BCKDHB: variants seen among roughly 807,000 people sequenced by gnomAD.
BCKDHB encodes branched chain keto acid dehydrogenase E1 subunit beta.
Under a neutral mutation model 48.5 loss-of-function variants are expected in BCKDHB, and 41 were observed. The observed-to-expected ratio is 0.85, with a 90% CI of 0.66 to 1.10. The LOEUF (loss-of-function observed/expected upper bound fraction) is 1.10, where lower values mean the gene tolerates loss of function less well. Among genes scored for constraint, BCKDHB ranks in the 50% least tolerant of loss-of-function variants. The pLI is 0.00. For synonymous variants in BCKDHB, 201 were observed against 174.8 expected, an observed-to-expected ratio of 1.15 and a Z score of -1.18; for missense variants, 496 against 494.2, an observed-to-expected ratio of 1.00 and a Z score of -0.03.
the BCKDHB span, among the ~76,000 whole-genome samples, chr6:80,402,494 C>G: frequency 6.6e-6 from 1 of 151,704 alleles, no homozygotes; most frequent in Non-Finnish European, 1.5e-5. Context: ...GACTTCCATA[C>G]ATATTTTTAA....
chr6:80,306,872 T>A (rs1292792257), intron 9 of BCKDHB, among the ~76,000 whole-genome samples: 1 of 152,172 alleles, frequency 6.6e-6, no homozygotes, highest in South Asian at 2.1e-4. Context: ...AGACTTGATA[T>A]GAGGCTACCT....
chr6:80,348,955 G>A (rs73467553), downstream of BCKDHB, among the ~76,000 whole-genome samples: 2 of 152,194 alleles, frequency 1.3e-5, no homozygotes, highest in Non-Finnish European at 2.9e-5. Flanking sequence ...TAACAAGAAT[G>A]AGGACATCAT....
chr6:80,129,711 C>T (rs769366279), intron 3 of BCKDHB, among the ~76,000 whole-genome samples: 9 of 152,094 alleles, frequency 5.9e-5, no homozygotes, highest in Non-Finnish European at 1.2e-4. Context: ...ATAGGGCAAA[C>T]TGGTTGACTT....
chr6:80,258,267 C>T (rs537006716), intron 8 of BCKDHB, among the ~76,000 whole-genome samples: 1 of 152,288 alleles, frequency 6.6e-6, no homozygotes, highest in South Asian at 2.1e-4. Flanking sequence ...TCTGTTTTCA[C>T]CTGTTCCTCA....
At chr6:80,288,113 G>A (rs774934650) in intron 9 of BCKDHB, among the ~76,000 whole-genome samples, 5 of 151,656 alleles carry the variant, frequency 3.3e-5, no homozygotes, top group Non-Finnish European at 5.9e-5. Context: ...CAAATTGGGT[G>A]TTAGTAGTTA....
intron 9 of BCKDHB, among the ~76,000 whole-genome samples, chr6:80,333,628 T>TCCTGTATCTCTAGTAG (rs1769431232): frequency 6.6e-6 from 1 of 152,164 alleles, no homozygotes; most frequent in South Asian, 2.1e-4. Flanking sequence ...ATACACAAAC[T>TCCTGTATCTCTAGTAG]CCTGTATCTC....
At chr6:80,255,423 C>A (rs1439088903) in intron 8 of BCKDHB, among the ~76,000 whole-genome samples, 1 of 151,956 alleles carries the variant, frequency 6.6e-6, no homozygotes, top group Non-Finnish European at 1.5e-5. Context: ...CCGTTTAAGA[C>A]CATTTTGATA....
At chr6:80,355,548 C>T in the BCKDHB span, 1 of 152,042 alleles carries the variant, frequency 6.6e-6, no homozygotes, top group African/African-American at 2.4e-5. Context: ...TCTATGTACC[C>T]TCCCTCCTAG....
chr6:80,184,057 T>G (rs1311653362), intron 6 of BCKDHB, among the ~76,000 whole-genome samples: 1 of 152,194 alleles, frequency 6.6e-6, no homozygotes, highest in African/African-American at 2.4e-5. Flanking sequence ...AACATCCATG[T>G]GCAGGTTTTG....
intron 3 of BCKDHB, among the ~76,000 whole-genome samples, chr6:80,142,064 C>A (rs924940502): frequency 6.6e-6 from 1 of 151,970 alleles, no homozygotes; most frequent in Non-Finnish European, 1.5e-5. Flanking sequence ...CACATCAAGA[C>A]CAGTGAATTT....
At chr6:80,326,020 C>A (rs7747016) in intron 9 of BCKDHB, among the ~76,000 whole-genome samples, 125,552 of 152,064 alleles carry the variant, frequency 0.83, 52,310 homozygotes, top group Admixed American at 0.9. Context: ...GAGGAAATCT[C>A]AATACAGGTT....
chr6:80,330,149 A>C (rs1054633294), intron 9 of BCKDHB, among the ~76,000 whole-genome samples: 23 of 151,996 alleles, frequency 1.5e-4, no homozygotes, highest in African/African-American at 5.6e-4. Flanking sequence ...AGGCATGTGC[A>C]TGTCTTTACT....
At chr6:80,405,342 G>GTATA in the BCKDHB span, among the ~76,000 whole-genome samples, 1 of 151,962 alleles carries the variant, frequency 6.6e-6, no homozygotes, top group African/African-American at 2.4e-5. Flanking sequence ...TCTTATATAA[G>GTATA]TATAGTCACC....
the BCKDHB span, among the ~76,000 whole-genome samples, chr6:80,417,741 C>G: frequency 6.6e-6 from 1 of 151,734 alleles, no homozygotes; most frequent in Non-Finnish European, 1.5e-5. Flanking sequence ...GGTGACCTGA[C>G]ATTTCTCTCT....
intron 6 of BCKDHB, among the ~76,000 whole-genome samples, chr6:80,187,444 G>A (rs1043288664): frequency 2.0e-5 from 3 of 152,160 alleles, no homozygotes; most frequent in Non-Finnish European, 2.9e-5. Flanking sequence ...TCAGTAGAGA[G>A]GGTAGGGGTA....
intron 9 of BCKDHB, among the ~76,000 whole-genome samples, chr6:80,294,329 G>C (rs1767107711): frequency 6.6e-6 from 1 of 152,186 alleles, no homozygotes; most frequent in Non-Finnish European, 1.5e-5. Context: ...GGACCATGGT[G>C]ATAATTGTGT....
At chr6:80,189,484 T>A (rs567873050) in intron 6 of BCKDHB, among the ~76,000 whole-genome samples, 5 of 152,300 alleles carry the variant, frequency 3.3e-5, no homozygotes, top group African/African-American at 1.2e-4. Flanking sequence ...ATGCCCAAAC[T>A]GAACACTTGA....
chr6:80,340,077 C>T (rs144974462), intron 9 of BCKDHB, among the ~76,000 whole-genome samples: 1 of 152,248 alleles, frequency 6.6e-6, no homozygotes, highest in East Asian at 1.9e-4. Context: ...TCATTTAGCC[C>T]ATGCCTGGTT....
the BCKDHB span, among the ~76,000 whole-genome samples, chr6:80,373,713 T>C: frequency 6.6e-6 from 1 of 152,312 alleles, no homozygotes; most frequent in South Asian, 2.1e-4. Flanking sequence ...ATATTTGGGA[T>C]TGTGATACTT....
Sources: gnomAD v4.1 joint callset for allele counts (sites outside exome capture counted in the v4.1 genomes callset) on GRCh38, gnomAD v4.1.1 for gene constraint, MANE v1.5 for transcripts, NCBI Gene and HGNC (gene_info 2026-07-23, HGNC 2026-07-21) for gene names.